ZDHHC17: variants seen among roughly 807,000 people sequenced by gnomAD.
ZDHHC17 encodes the protein zDHHC palmitoyltransferase 17, also known as palmitoyltransferase ZDHHC17.
In ZDHHC17, 40 loss-of-function variants were observed where a neutral mutation model predicts 90.3. That is an observed-to-expected ratio of 0.44 (90% CI 0.34 to 0.58). The LOEUF (loss-of-function observed/expected upper bound fraction) is 0.58. ZDHHC17 is among the 20% of genes least tolerant of loss of function. ZDHHC17 has a pLI of 0.01. For missense variants in ZDHHC17, 614 were observed against 780.8 expected, an observed-to-expected ratio of 0.79 and a Z score of 2.55; for synonymous variants, 235 against 252.4, an observed-to-expected ratio of 0.93 and a Z score of 0.65.
At chr12:76,830,729 G>T (rs1953290305) in intron 10 of ZDHHC17, among the ~76,000 whole-genome samples, 1 of 152,062 alleles carries the variant, frequency 6.6e-6, no homozygotes, top group African/African-American at 2.4e-5. Flanking sequence ...TTATGTTTGA[G>T]GAAAAAACTC....
rs578102163 is a variant in ZDHHC17, at chr12:76,786,110, TTTTC to T, written c.94-11312_94-11309del. 2.5e-3 allele frequency among the ~76,000 whole-genome samples: 351 copies of T among 141,252 alleles called. 2 individuals carry two copies. The highest frequency in any genetic ancestry group is 8.5e-3 in the African/African-American group (319 of 37,536). 92.7% of individuals were successfully genotyped at this position (141,252 alleles called of 152,430 possible). A position where few individuals can be genotyped will look rare whatever the true frequency, so the allele number is the denominator to read the frequency against. On this transcript the variant is annotated intron_variant, in intron 1 of 16. Coordinates refer to ENST00000426126, the MANE Select transcript of ZDHHC17 (RefSeq NM_015336.4). The stretch of plus-strand genomic sequence containing the variant: ...GGGGAATTAGTTTTCTTTTTCTTTC[TTTTC>T]TTTCTTTCTTTTTTTTTTTTTAAAG...
intron 1 of ZDHHC17, among the ~76,000 whole-genome samples, chr12:76,794,133 C>CCT (rs1488007299): frequency 6.6e-6 from 1 of 152,144 alleles, no homozygotes; most frequent in East Asian, 1.9e-4. Context: ...GATCCACCTG[C>CCT]CTCTGCCTCC....
At chr12:76,806,240 G>A (rs1447098066) in intron 3 of ZDHHC17, among the ~76,000 whole-genome samples, 2 of 151,934 alleles carry the variant, frequency 1.3e-5, no homozygotes, top group African/African-American at 4.8e-5. Flanking sequence ...GAGCACAGGC[G>A]AATACCACCA....
chr12:76,781,125 C>T (rs187513730), intron 1 of ZDHHC17, among the ~76,000 whole-genome samples: 7 of 133,008 alleles, frequency 5.3e-5, no homozygotes, highest in African/African-American at 2.0e-4. Context: ...CAAAGCGAGA[C>T]TCCGTCTCAA....
At chr12:76,774,264 G>GTGTGTATGTGTATGTGTA (rs139357745) in intron 1 of ZDHHC17, among the ~76,000 whole-genome samples, 35,485 of 149,674 alleles carry the variant, frequency 0.24, 4,483 homozygotes, top group East Asian at 0.45. Context: ...TAAAGAATGT[G>GTGTGTATGTGTATGTGTA]TGTGTATGTG....
chr12:76,799,235 G>T (rs1952858793), intron 2 of ZDHHC17, among the ~76,000 whole-genome samples: 2 of 152,126 alleles, frequency 1.3e-5, no homozygotes, highest in Non-Finnish European at 2.9e-5. Flanking sequence ...TGGTCTTTTT[G>T]ATCATCTGCA....
In ZDHHC17 at chr12:76,784,846, C is replaced by T. The variant is rs566110669; in HGVS notation, c.94-12588C>T. 5.3e-5 allele frequency among the ~76,000 whole-genome samples: 8 copies of T among 152,292 alleles called. No homozygotes were observed. In the East Asian group the frequency reaches 1.5e-3, roughly 29 times the overall value. ...CAAAGCAATGGCTACCAGTGGTCTA[C>T]TCAAAGCAAAAGCAAAAATTCAGGA... On this transcript the variant is annotated intron_variant, in intron 1 of 16. Coordinates refer to ENST00000426126, the MANE Select transcript of ZDHHC17 (RefSeq NM_015336.4).
intron 1 of ZDHHC17, chr12:76,781,763 T>G: frequency 2.3e-6 from 1 of 442,818 alleles, no homozygotes; most frequent in Non-Finnish European, 4.5e-6. Flanking sequence ...ACTAAGACAG[T>G]AGGAGAATAT....
intron 2 of ZDHHC17, among the ~76,000 whole-genome samples, chr12:76,803,988 A>G (rs150666922): frequency 6.6e-6 from 1 of 152,326 alleles, no homozygotes; most frequent in East Asian, 1.9e-4. Context: ...AAAGGGGCAT[A>G]TGTGTGATGC....
At chr12:76,816,473 G>A (rs1028012701) in intron 7 of ZDHHC17, among the ~76,000 whole-genome samples, 3 of 151,978 alleles carry the variant, frequency 2.0e-5, no homozygotes, top group East Asian at 1.9e-4. Flanking sequence ...CAACGAACTC[G>A]TTCTGCGAAA....
intron 8 of ZDHHC17, among the ~76,000 whole-genome samples, chr12:76,824,987 T>C (rs952405808): frequency 1.3e-5 from 2 of 151,168 alleles, no homozygotes; most frequent in South Asian, 4.1e-4. Context: ...TAGACAGGCA[T>C]ATTTACGGTT....
chr12:76,842,105 A>T lies in ZDHHC17; in HGVS notation c.1265A>T (p.Lys422Met), dbSNP rs375269416. ...IIKATEEQKKKTIVELAETGS... is the reference protein window; with the variant it reads ...IIKATEEQKKMTIVELAETGS... The stretch of plus-strand genomic sequence containing the variant: ...AAAGCAACAGAAGAGCAAAAGAAAA[A>T]GGTAGCAAAATACCAACTAAGTCAC... The change falls in exon 11 of 17, where the codon AAG becomes ATG. Residue 422 changes from lysine (K) to methionine (M), a missense_variant and splice_region_variant. Physicochemically the swap from Lys to Met is moderately conservative, Grantham distance 95. This residue lies in a region of ZDHHC17 where 117 missense variants were observed against 183.6 expected (regional missense o/e 0.64). Transcript: ENST00000426126. The T allele has an allele frequency of 7.6e-6, 12 of 1,572,544 alleles. No individual in the cohort carries two copies. Among genetic ancestry groups the T allele is most frequent in the African/African-American group, 4.1e-5 (3 of 72,368 alleles).
intron 1 of ZDHHC17, among the ~76,000 whole-genome samples, chr12:76,775,039 G>C (rs1363152141): frequency 6.6e-6 from 1 of 152,122 alleles, no homozygotes. Context: ...TGTTGGCCAG[G>C]CTGGTCTTGA....
chr12:76,842,892 A>G, intron 11 of ZDHHC17, 27 bp from the exon 12 acceptor site: 1 of 1,563,176 alleles, frequency 6.4e-7, no homozygotes, highest in South Asian at 1.2e-5. Flanking sequence ...TCAGTTTTGA[A>G]TTAAATATTA....
intron 7 of ZDHHC17, among the ~76,000 whole-genome samples, chr12:76,820,594 G>A (rs943257779): frequency 6.6e-6 from 1 of 152,152 alleles, no homozygotes; most frequent in Non-Finnish European, 1.5e-5. Flanking sequence ...GTTCATTAAT[G>A]TATTGAAAGA....
chr12:76,772,931 C>T (rs1952513237), intron 1 of ZDHHC17, among the ~76,000 whole-genome samples: 2 of 151,528 alleles, frequency 1.3e-5, no homozygotes, highest in African/African-American at 4.9e-5. Context: ...ATTCTTGGCT[C>T]ACTGCAACTT....
intron 1 of ZDHHC17, among the ~76,000 whole-genome samples, chr12:76,772,247 T>A (rs1424853208): frequency 6.6e-6 from 1 of 152,202 alleles, no homozygotes; most frequent in Non-Finnish European, 1.5e-5. Context: ...TAGCTAGCTG[T>A]GGTTACAAAT....
intron 10 of ZDHHC17, among the ~76,000 whole-genome samples, chr12:76,840,670 G>A (rs140170626): frequency 2.6e-5 from 4 of 152,182 alleles, no homozygotes; most frequent in South Asian, 2.1e-4. Flanking sequence ...AAATTAGCTC[G>A]TCTAATCTAT....
intron 2 of ZDHHC17, among the ~76,000 whole-genome samples, chr12:76,800,107 C>T (rs992366349): frequency 5.3e-5 from 8 of 152,132 alleles, no homozygotes; most frequent in African/African-American, 1.9e-4. Context: ...ATTAGAGATG[C>T]CCAACCTGTA....
Sources: gnomAD v4.1 joint callset for allele counts (sites outside exome capture counted in the v4.1 genomes callset) on GRCh38, gnomAD v4.1.1 for gene constraint, gnomAD v4.1.1 regional missense constraint, MANE v1.5 for transcripts, NCBI Gene and HGNC (gene_info 2026-07-23, HGNC 2026-07-21) for gene names.